The following HCN4 variants were observed in gnomAD, a reference collection of about 807,000 sequenced individuals.
The protein encoded by HCN4 is potassium/sodium hyperpolarization-activated cyclic nucleotide-gated channel 4.
Under a neutral mutation model 76.9 loss-of-function variants are expected in HCN4, and 29 were observed. That is an observed-to-expected ratio of 0.38 (90% CI 0.28 to 0.51). The LOEUF (loss-of-function observed/expected upper bound fraction) is 0.51, where lower values mean the gene tolerates loss of function less well. Ranked by LOEUF, HCN4 falls within the 20% of genes least tolerant of loss-of-function variation. HCN4 has a pLI of 0.90. For synonymous variants in HCN4, 772 were observed against 762.5 expected (o/e 1.01, Z -0.21); for missense variants, 1,416 against 1,715.2 (o/e 0.83, Z 3.08).
chr15:73,341,388 C>T (rs2043001760), intron 2 of HCN4, among the ~76,000 whole-genome samples: 1 of 152,074 alleles, frequency 6.6e-6, no homozygotes, highest in African/African-American at 2.4e-5. Flanking sequence ...GCAATCCACC[C>T]ATCTCGGCCT....
rs1448880266 is a variant in HCN4 at position 73,320,968 on chromosome 15, CAT to C, written c.*1511_*1512del. On this transcript the variant is annotated 3_prime_UTR_variant, in exon 8 of 8. Coordinates refer to ENST00000261917, the MANE Select transcript of HCN4 (RefSeq NM_005477.3). The stretch of plus-strand genomic sequence containing the variant: ...TCAGCCAAAGCTCCCTGGGCTCTCA[CAT>C]AGTTTGCTGGAGCAATAGGCTGGGC... 3 of 152,232 alleles carry C rather than the reference CAT, an allele frequency of 2.0e-5. No individual in the cohort carries two copies. Among genetic ancestry groups the C allele is most frequent in the African/African-American group, 7.2e-5 (3 of 41,450 alleles). 9.4% of individuals were successfully genotyped at this position (152,232 alleles called of 1,614,324 possible).
Position 73,325,215 on chromosome 15 carries a change from G to A in HCN4, c.1738-20C>T. ...GATCTCCTGCCGGACAGGGTGGATT[G>A]GGACACGGGAAGGAGGTGGTGAGGG... On this transcript the variant is annotated intron_variant, in intron 5 of 7. Transcript: ENST00000261917. The surrounding 1 kb of genome is among the most constrained non-coding windows in gnomAD (Gnocchi z 7.4). The A allele has an allele frequency of 1.2e-6, 2 of 1,614,044 alleles. No individual in the cohort carries two copies. The highest frequency in any genetic ancestry group is 1.7e-6 in the Non-Finnish European group (2 of 1,179,924).
In HCN4 at chr15:73,348,612, A is replaced by G. The variant is rs1595831016; in HGVS notation, c.786-4804T>C. 2.0e-5 allele frequency among the ~76,000 whole-genome samples: 3 copies of G among 152,302 alleles called. 1 individual carries two copies. The East Asian group carries it at 5.8e-4, about 29-fold the overall frequency. The stretch of plus-strand genomic sequence containing the variant: ...TCATTAAAATATTTTCCACCTTTCA[A>G]GCTAGCTCTTCAACTCTGACCACTG... On this transcript the variant is annotated intron_variant, in intron 1 of 7. Transcript: ENST00000261917.
chr15:73,362,257 G>T (rs1390086117), intron 1 of HCN4, among the ~76,000 whole-genome samples: 3 of 152,204 alleles, frequency 2.0e-5, no homozygotes, highest in Non-Finnish European at 4.4e-5. Flanking sequence ...CGCTGAGCTT[G>T]GGGATAGAGG....
At chr15:73,349,772 G>A (rs535331724) in intron 1 of HCN4, among the ~76,000 whole-genome samples, 13 of 152,184 alleles carry the variant, frequency 8.5e-5, no homozygotes, top group South Asian at 2.1e-4. Context: ...CCTCCTGCCT[G>A]TGGCAGAAAC....
At position 73,324,981 on chromosome 15, in the gene HCN4, T is replaced by C. The variant is rs1193204259; in HGVS notation, c.1952A>G (p.Lys651Arg). Reference protein sequence around the residue: ...SVLTKGNKETKLADGSYFGEI... With the variant: ...SVLTKGNKETRLADGSYFGEI... ...TCCAAAGTAGGAGCCGTCGGCCAGC[T>C]TGGTCTCCTTGTTGCCCTTGGTGAG... The change falls in exon 6 of 8, where the codon AAG becomes AGG. Residue 651 changes from lysine to arginine, a missense_variant. Physicochemically the swap from Lys to Arg is conservative, Grantham distance 26 (BLOSUM62 2). Transcript: ENST00000261917. 6.2e-7 allele frequency: 1 copy of C among 1,614,038 alleles called. No individual in the cohort carries two copies. The highest frequency in any genetic ancestry group is 8.5e-7 in the Non-Finnish European group (1 of 1,180,032).
chr15:73,323,150 C>G lies in HCN4; in HGVS notation c.2943G>C (p.Glu981Asp). ...SPGQLGQPPG[E>D]LSLGLATGPL... ...GGCCAGTGGCCAGACCTAGGGACAACTCCCCGGGAGGCTGGCCCAGCTGCC... is the reference window on the plus strand; with the variant it reads ...GGCCAGTGGCCAGACCTAGGGACAAGTCCCCGGGAGGCTGGCCCAGCTGCC... The change falls in exon 8 of 8, where the codon GAG (glutamate) becomes GAC (aspartate). Residue 981 changes from glutamate (E) to aspartate (D), a missense_variant. Physicochemically the swap from Glu to Asp is conservative, Grantham distance 45. Transcript: ENST00000261917. 6.3e-7 allele frequency: 1 copy of G among 1,582,076 alleles called. No homozygotes were observed. Among genetic ancestry groups the G allele is most frequent in the East Asian group, 2.3e-5 (1 of 44,222 alleles).
intron 4 of HCN4, among the ~76,000 whole-genome samples, chr15:73,326,766 T>C (rs186514196): frequency 6.4e-4 from 97 of 151,964 alleles, no homozygotes; most frequent in South Asian, 2.9e-3. Flanking sequence ...TTTCTTTTTT[T>C]CTTTTTATTT....
At chr15:73,363,196 C>T (rs1298668193) in intron 1 of HCN4, among the ~76,000 whole-genome samples, 1 of 152,234 alleles carries the variant, frequency 6.6e-6, no homozygotes, top group African/African-American at 2.4e-5. Flanking sequence ...GAAAGCCCAG[C>T]AAAGAAGGGG....
Position 73,332,174 on chromosome 15 carries a change from T to C in HCN4, c.1328A>G (p.Gln443Arg). ...GCLQFLVPML[Q>R]DFPDDCWVSI... ...CACCCAGCAGTCGTCAGGGAAGTCCTGTAGCATGGGTACCAGGAACTGCAG... is the reference window on the plus strand; with the variant it reads ...CACCCAGCAGTCGTCAGGGAAGTCCCGTAGCATGGGTACCAGGAACTGCAG... The change falls in exon 3 of 8, where the codon CAG becomes CGG. Residue 443 changes from glutamine (Q) to arginine (R), a missense_variant. Gln to Arg is a conservative substitution (Grantham distance 43). Transcript: ENST00000261917. The C allele has an allele frequency of 6.2e-7, 1 of 1,614,196 alleles. No individual in the cohort carries two copies. Among genetic ancestry groups the C allele is most frequent in the Non-Finnish European group, 8.5e-7 (1 of 1,180,034 alleles).
At position 73,367,964 on chromosome 15, in the gene HCN4, G is replaced by C; in HGVS notation, c.307C>G (p.Leu103Val). 1 of 1,347,380 alleles carries C rather than the reference G, an allele frequency of 7.4e-7. No individual in the cohort carries two copies. Among genetic ancestry groups the C allele is most frequent in the South Asian group, 2.0e-5 (1 of 50,028 alleles). 83.5% of individuals were successfully genotyped at this position (1,347,380 alleles called of 1,614,324 possible). Reference sequence around the variant, plus strand: ...CCGCTGCCGCCGCCCCGGCTGCCCAGCGAGGCCAGGCTCCCGCGGAAGCGC... The same window carrying C: ...CCGCTGCCGCCGCCCCGGCTGCCCACCGAGGCCAGGCTCCCGCGGAAGCGC... ...CRRFRGSLASLGSRGGGSGGT... is the reference protein window; with the variant it reads ...CRRFRGSLASVGSRGGGSGGT... Residue 103 changes from leucine (L) to valine (V), a missense_variant, in exon 1 of 8, where the codon CTG (leucine) becomes GTG (valine). This residue lies in a region of HCN4 where 355 missense variants were observed against 347.8 expected (regional missense o/e 1.02). Transcript: ENST00000261917. The surrounding 1 kb of genome is among the most constrained non-coding windows in gnomAD (Gnocchi z 7.5).
chr15:73,361,801 GC>G (rs963593382), intron 1 of HCN4, among the ~76,000 whole-genome samples: 1 of 152,234 alleles, frequency 6.6e-6, no homozygotes, highest in Non-Finnish European at 1.5e-5. Flanking sequence ...GCTGGCCATA[GC>G]CTGGGGCAGG....
At position 73,319,887 on chromosome 15, in the gene HCN4, T is replaced by C. The variant is rs1157856245; in HGVS notation, c.*2594A>G. ...TGGAATTTTTTTTATTTAAATAAAATATACAATACGGCGCATTTACCGGTT... is the reference window on the plus strand; with the variant it reads ...TGGAATTTTTTTTATTTAAATAAAACATACAATACGGCGCATTTACCGGTT... On this transcript the variant is annotated 3_prime_UTR_variant, in exon 8 of 8. Transcript: ENST00000261917. 2.6e-5 allele frequency: 4 copies of C among 152,132 alleles called. No homozygotes were observed. Among genetic ancestry groups the C allele is most frequent in the African/African-American group, 9.7e-5 (4 of 41,410 alleles). The allele number at this position is 152,132 out of a possible 1,614,324, so 9.4% of individuals were successfully genotyped here.
At chr15:73,329,120 G>A (rs1187854281) in intron 4 of HCN4, among the ~76,000 whole-genome samples, 2 of 152,180 alleles carry the variant, frequency 1.3e-5, no homozygotes, top group Non-Finnish European at 1.5e-5. Context: ...GGTCAGGGGC[G>A]AGGCCCGGGC....
At chr15:73,359,555 C>T (rs2043096099) in intron 1 of HCN4, among the ~76,000 whole-genome samples, 1 of 152,144 alleles carries the variant, frequency 6.6e-6, no homozygotes, top group Non-Finnish European at 1.5e-5. Flanking sequence ...CTTGGTACCT[C>T]AGCAAGGGCA....
At position 73,320,577 on chromosome 15, in the gene HCN4, GA is replaced by G. The variant is rs1226073961; in HGVS notation, c.*1903del. On this transcript the variant is annotated 3_prime_UTR_variant, in exon 8 of 8. Coordinates refer to ENST00000261917, the MANE Select transcript of HCN4 (RefSeq NM_005477.3). The stretch of plus-strand genomic sequence containing the variant: ...GCTCTGGCAAGATCCCATCTGGGAG[GA>G]GGGAGGATGGTGCCTCCAAAGGCAT... 6.6e-6 allele frequency: 1 copy of G among 152,254 alleles called. No individual in the cohort carries two copies. The highest frequency in any genetic ancestry group is 1.5e-5 in the Non-Finnish European group (1 of 68,082). 9.4% of individuals were successfully genotyped at this position (152,254 alleles called of 1,614,324 possible).
intron 3 of HCN4, among the ~76,000 whole-genome samples, chr15:73,330,734 C>T (rs1297385450): frequency 6.6e-6 from 1 of 152,228 alleles, no homozygotes; most frequent in East Asian, 1.9e-4. Flanking sequence ...GAGCTTCGAG[C>T]CATATTCAAG....
At chr15:73,331,834 C>T (rs999681930) in intron 3 of HCN4, among the ~76,000 whole-genome samples, 1 of 152,136 alleles carries the variant, frequency 6.6e-6, no homozygotes, top group Non-Finnish European at 1.5e-5. Flanking sequence ...CTGGGGGAGG[C>T]CGCCCAGGTC....
chr15:73,352,850 C>T (rs960288973), intron 1 of HCN4, among the ~76,000 whole-genome samples: 5 of 152,250 alleles, frequency 3.3e-5, no homozygotes, highest in East Asian at 1.9e-4. Flanking sequence ...CCCAACCAGA[C>T]AGACCCAGGA....
Sources: gnomAD v4.1 joint callset for allele counts (sites outside exome capture counted in the v4.1 genomes callset) on GRCh38, gnomAD v4.1.1 for gene constraint, gnomAD v4.1.1 regional missense constraint, Gnocchi (gnomAD v3.1) non-coding constraint, MANE v1.5 for transcripts, NCBI Gene and HGNC (gene_info 2026-07-23, HGNC 2026-07-21) for gene names.